CHRNA7: variants seen among roughly 807,000 people sequenced by gnomAD.
CHRNA7 encodes neuronal acetylcholine receptor subunit alpha-7.
CHRNA7 carries 17 observed loss-of-function variants against 48.0 expected under a neutral mutation model. The observed-to-expected ratio is 0.35, with a 90% confidence interval of 0.24 to 0.53. The LOEUF (loss-of-function observed/expected upper bound fraction) is 0.53. CHRNA7 is among the 20% of genes least tolerant of loss of function. The pLI is 0.92. For synonymous variants in CHRNA7, 75 were observed against 242.3 expected, an observed-to-expected ratio of 0.31 and a Z score of 6.41; for missense variants, 155 against 577.7, an observed-to-expected ratio of 0.27 and a Z score of 7.50.
chr15:32,086,572 G>C (rs922309294), intron 2 of CHRNA7, among the ~76,000 whole-genome samples: 1 of 152,052 alleles, frequency 6.6e-6, no homozygotes, highest in South Asian at 2.1e-4. Flanking sequence ...ACTGAGGTCC[G>C]TACTTTATTC....
chr15:32,041,772 G>C (rs1339145060), intron 2 of CHRNA7, among the ~76,000 whole-genome samples: 1 of 152,192 alleles, frequency 6.6e-6, no homozygotes, highest in South Asian at 2.1e-4. Flanking sequence ...TTCCTCAGCT[G>C]TATCCAACCT....
intron 4 of CHRNA7, among the ~76,000 whole-genome samples, chr15:32,113,530 A>C (rs575304969): frequency 6.6e-6 from 1 of 152,326 alleles, no homozygotes; most frequent in South Asian, 2.1e-4. Flanking sequence ...TGTAATATTT[A>C]CAGTCTGTAT....
At chr15:32,148,981 T>C (rs1215343670) in intron 4 of CHRNA7, among the ~76,000 whole-genome samples, 1 of 152,162 alleles carries the variant, frequency 6.6e-6, no homozygotes, top group Non-Finnish European at 1.5e-5. Flanking sequence ...CCTACATGTT[T>C]GAGTTACATT....
chr15:32,042,480 G>C (rs2141172523), intron 2 of CHRNA7, among the ~76,000 whole-genome samples: 1 of 152,308 alleles, frequency 6.6e-6, no homozygotes, highest in Non-Finnish European at 1.5e-5. Flanking sequence ...AGTATTTCCT[G>C]TGGGAACCTG....
Position 32,030,600 on chromosome 15 carries a change from C to T in CHRNA7, c.6C>T (p.Arg2=). 6.4e-7 allele frequency: 1 copy of T among 1,554,276 alleles called. No homozygotes were observed. The change falls in exon 1 of 10, where the codon CGC becomes CGT. Residue 2 remains arginine, a synonymous_variant. Coordinates refer to ENST00000306901, the MANE Select transcript of CHRNA7 (RefSeq NM_000746.6). M[R]CSPGGVWLAL... ...CTGCAGCTCCGGGACTCAACATGCG[C>T]TGCTCGCCGGGAGGCGTCTGGCTGG...
chr15:32,034,351 C>G (rs781361049), intron 2 of CHRNA7, among the ~76,000 whole-genome samples: 11 of 152,100 alleles, frequency 7.2e-5, no homozygotes, highest in Non-Finnish European at 1.2e-4. Context: ...CAAGACTTCT[C>G]AGAAAATTTA....
chr15:32,089,710 G>T (rs188074010), intron 2 of CHRNA7, among the ~76,000 whole-genome samples: 2 of 152,072 alleles, frequency 1.3e-5, no homozygotes, highest in African/African-American at 4.8e-5. Context: ...TCTGATGTTT[G>T]CTTTGTCTCT....
intron 4 of CHRNA7, among the ~76,000 whole-genome samples, chr15:32,125,587 G>A (rs890918325): frequency 3.3e-4 from 51 of 152,300 alleles, no homozygotes; most frequent in African/African-American, 1.2e-3. Flanking sequence ...AAACTCTCAG[G>A]CTGCTCAGGG....
chr15:32,103,563 G>A (rs942975737), intron 3 of CHRNA7, among the ~76,000 whole-genome samples: 1 of 152,174 alleles, frequency 6.6e-6, no homozygotes, highest in African/African-American at 2.4e-5. Context: ...AGGATTTAAA[G>A]CAGCATACTT....
In CHRNA7 at chr15:32,111,796, A is replaced by G; in HGVS notation, c.247A>G (p.Thr83Ala). The G allele has an allele frequency of 3.1e-6, 5 of 1,606,684 alleles. No homozygotes were observed. Among genetic ancestry groups the G allele is most frequent in the Non-Finnish European group, 4.3e-6 (5 of 1,173,168 alleles). ...ATGTCATTGTGTGTGTCAGTCTTGG[A>G]CAGATCACTATTTACAGTGGAATGT... ...TTNIWLQMSW[T>A]DHYLQWNVSE... Residue 83 changes from threonine to alanine, a missense_variant, in exon 4 of 10, where the codon ACA (threonine) becomes GCA (alanine). Transcript: ENST00000306901.
chr15:32,147,400 A>C (rs1259802382), intron 4 of CHRNA7, among the ~76,000 whole-genome samples: 1 of 152,160 alleles, frequency 6.6e-6, no homozygotes, highest in Non-Finnish European at 1.5e-5. Flanking sequence ...TCTAAAATAA[A>C]AATCAAAATA....
intron 2 of CHRNA7, among the ~76,000 whole-genome samples, chr15:32,087,467 T>G (rs1479713584): frequency 6.6e-6 from 1 of 152,202 alleles, no homozygotes; most frequent in Admixed American, 6.5e-5. Flanking sequence ...AAGCAAGGTT[T>G]GGGTGCTAGG....
chr15:32,042,535 A>G (rs75255510), intron 2 of CHRNA7, among the ~76,000 whole-genome samples: 2,195 of 152,276 alleles, frequency 0.014, 55 homozygotes, highest in African/African-American at 0.05. Context: ...GGAACCCCCT[A>G]TGATTGAATC....
intron 4 of CHRNA7, among the ~76,000 whole-genome samples, chr15:32,133,418 T>C (rs1225898214): frequency 6.6e-6 from 1 of 152,134 alleles, no homozygotes; most frequent in Non-Finnish European, 1.5e-5. Flanking sequence ...AGCCCAGCTC[T>C]CTCCCACACG....
chr15:32,059,362 T>G (rs542911185), intron 2 of CHRNA7, among the ~76,000 whole-genome samples: 6 of 152,174 alleles, frequency 3.9e-5, no homozygotes, highest in Non-Finnish European at 7.3e-5. Flanking sequence ...AGGTGACCAG[T>G]GAGATTTTAT....
intron 4 of CHRNA7, among the ~76,000 whole-genome samples, chr15:32,138,817 G>C (rs1253321618): frequency 6.6e-6 from 1 of 151,378 alleles, no homozygotes; most frequent in Non-Finnish European, 1.5e-5. Context: ...GCAGTGGTGC[G>C]ATCTCGGCTC....
chr15:32,046,133 G>T (rs541000939), intron 2 of CHRNA7, among the ~76,000 whole-genome samples: 1 of 152,166 alleles, frequency 6.6e-6, no homozygotes, highest in South Asian at 2.1e-4. Context: ...AAACATACGT[G>T]TGTGTGTGTC....
chr15:32,052,769 A>G (rs931023389), intron 2 of CHRNA7, among the ~76,000 whole-genome samples: 2 of 152,158 alleles, frequency 1.3e-5, no homozygotes, highest in African/African-American at 4.8e-5. Flanking sequence ...AAGTTAGATG[A>G]AAGATATAGT....
intron 2 of CHRNA7, among the ~76,000 whole-genome samples, chr15:32,053,643 T>A (rs1374164543): frequency 6.6e-6 from 1 of 152,250 alleles, no homozygotes; most frequent in Non-Finnish European, 1.5e-5. Flanking sequence ...CAAGGTATCA[T>A]GTACTATGCT....
Sources: gnomAD v4.1 joint callset for allele counts (sites outside exome capture counted in the v4.1 genomes callset) on GRCh38, gnomAD v4.1.1 for gene constraint, MANE v1.5 for transcripts, NCBI Gene and HGNC (gene_info 2026-07-23, HGNC 2026-07-21) for gene names.